The following USPL1 variants were observed in gnomAD, a reference collection of about 807,000 sequenced individuals.
The protein encoded by USPL1 is SUMO-specific isopeptidase USPL1.
A neutral mutation model predicts 51.5 loss-of-function variants in USPL1; 27 were observed. The observed-to-expected ratio is 0.52, with a 90% CI of 0.39 to 0.72. USPL1 has a LOEUF of 0.72. Ranked by LOEUF, USPL1 falls within the 30% of genes least tolerant of loss-of-function variation. USPL1 has a pLI of 0.00. For missense variants in USPL1, 1,226 were observed against 1,268.0 expected (o/e 0.97, Z 0.50); for synonymous variants, 451 against 459.6 (o/e 0.98, Z 0.24).
At chr13:30,656,949 G>T (rs749113654) in intron 8 of USPL1, among the ~76,000 whole-genome samples, 1 of 151,288 alleles carries the variant, frequency 6.6e-6, no homozygotes, top group Non-Finnish European at 1.5e-5. Context: ...GACTACATAA[G>T]GACCCCTCTC....
intron 6 of USPL1, among the ~76,000 whole-genome samples, chr13:30,644,567 A>C (rs1174517583): frequency 6.6e-6 from 1 of 152,198 alleles, no homozygotes; most frequent in African/African-American, 2.4e-5. Context: ...TATCCAAAGA[A>C]TATCGCAAGG....
Position 30,658,052 on chromosome 13 carries a change from G to A in USPL1, c.1975G>A (p.Val659Ile). 6.2e-7 allele frequency: 1 copy of A among 1,613,092 alleles called. No homozygotes were observed. The highest frequency in any genetic ancestry group is 8.5e-7 in the Non-Finnish European group (1 of 1,179,912). The change falls in exon 9 of 9, where the codon GTA (valine) becomes ATA (isoleucine). Residue 659 changes from valine (V) to isoleucine (I), a missense_variant. Coordinates refer to ENST00000255304, the MANE Select transcript of USPL1 (RefSeq NM_005800.5). ...FVDISFPSQV[V>I]NTNMQSVQLN... Reference sequence around the variant, plus strand: ...GGACATAAGTTTTCCATCCCAAGTTGTAAATACAAACATGCAGTCAGTACA... The same window carrying A: ...GGACATAAGTTTTCCATCCCAAGTTATAAATACAAACATGCAGTCAGTACA...
In USPL1 at chr13:30,657,558, T is replaced by C. The variant is rs780793750; in HGVS notation, c.1481T>C (p.Ile494Thr). 8.1e-6 allele frequency: 13 copies of C among 1,614,054 alleles called. No individual in the cohort carries two copies. The Admixed American group carries it at 1.5e-4, about 19-fold the overall frequency. ...GAAGTTCCTGCTTCAGAGATACATA[T>C]TGTTATTTGGGAAAGAAAAATATCC... ...KFEVPASEIH[I>T]VIWERKISQV... The change falls in exon 9 of 9, where the codon ATT becomes ACT. Residue 494 changes from isoleucine to threonine, a missense_variant. Transcript: ENST00000255304.
At chr13:30,655,575 T>A (rs554031781) in intron 8 of USPL1, among the ~76,000 whole-genome samples, 2 of 152,220 alleles carry the variant, frequency 1.3e-5, no homozygotes, top group Non-Finnish European at 2.9e-5. Context: ...ATGAGTTTTC[T>A]GTGTGTGCTC....
chr13:30,629,565 A>G (rs768409730), intron 3 of USPL1, among the ~76,000 whole-genome samples: 3 of 152,180 alleles, frequency 2.0e-5, no homozygotes, highest in African/African-American at 7.2e-5. Context: ...ACATCACACC[A>G]TGTCAGCTGG....
chr13:30,656,396 A>G (rs931029247), intron 8 of USPL1, among the ~76,000 whole-genome samples: 1 of 152,174 alleles, frequency 6.6e-6, no homozygotes, highest in South Asian at 2.1e-4. Flanking sequence ...GGTAACCACT[A>G]TTCTACTTTC....
At chr13:30,619,847 A>G (rs998409614) in intron 1 of USPL1, among the ~76,000 whole-genome samples, 1 of 152,172 alleles carries the variant, frequency 6.6e-6, no homozygotes, top group African/African-American at 2.4e-5. Flanking sequence ...AGTTAGCATC[A>G]GTAGTTCTCA....
In USPL1 at chr13:30,628,083, C is replaced by T. The variant is rs528601065; in HGVS notation, c.229-2752C>T. Among the ~76,000 whole-genome samples, 25 of 137,134 alleles carry T rather than the reference C, an allele frequency of 1.8e-4. 1 individual carries two copies. In the East Asian group the frequency reaches 3.4e-3, roughly 19 times the overall value. 90.0% of individuals were successfully genotyped at this position (137,134 alleles called of 152,430 possible). A position where few individuals can be genotyped will look rare whatever the true frequency, so the allele number is the denominator to read the frequency against. ...TTTTTTTTTGTATTTTTAGTAGAGA[C>T]GGGGGTTTCACCATGTTGGCCAGGC... On this transcript the variant is annotated intron_variant, in intron 3 of 8. Transcript: ENST00000255304.
intron 3 of USPL1, among the ~76,000 whole-genome samples, chr13:30,628,613 C>G (rs1376401052): frequency 6.6e-6 from 1 of 152,178 alleles, no homozygotes; most frequent in Non-Finnish European, 1.5e-5. Context: ...TGTTCAGCTC[C>G]CACTTACGAG....
At chr13:30,639,222 G>GTA (rs61182649) in intron 5 of USPL1, among the ~76,000 whole-genome samples, 8,072 of 144,196 alleles carry the variant, frequency 0.056, 237 homozygotes, top group African/African-American at 0.07. Flanking sequence ...CTCAAAAAAT[G>GTA]TATATATATA....
At chr13:30,620,867 C>G (rs915450952) in intron 1 of USPL1, among the ~76,000 whole-genome samples, 1 of 152,086 alleles carries the variant, frequency 6.6e-6, no homozygotes, top group African/African-American at 2.4e-5. Context: ...GGTCCTGTTG[C>G]CAGTCACTAC....
chr13:30,641,552 T>C lies in USPL1; in HGVS notation c.983-1076T>C, dbSNP rs549732219. ...GGCAGCATCTAAGCTCCTCTGAGAA[T>C]AGGAAGGAGAGCAACCAATTGGAAA... is the stretch of plus-strand genomic sequence containing the variant. On this transcript the variant is annotated intron_variant, in intron 5 of 8. Coordinates refer to ENST00000255304, the MANE Select transcript of USPL1 (RefSeq NM_005800.5). Among the ~76,000 whole-genome samples, 27 of 152,332 alleles carry C rather than the reference T, an allele frequency of 1.8e-4. No homozygotes were observed. The South Asian group carries it at 4.1e-3, about 23-fold the overall frequency.
In USPL1 at chr13:30,659,814, G is replaced by T; in HGVS notation, c.*458G>T. 6.3e-6 allele frequency: 1 copy of T among 158,290 alleles called. No individual in the cohort carries two copies. Among genetic ancestry groups the T allele is most frequent in the Non-Finnish European group, 1.4e-5 (1 of 72,488 alleles). The allele number at this position is 158,290 out of a possible 1,614,324, so 9.8% of individuals were successfully genotyped here. A position where few individuals can be genotyped will look rare whatever the true frequency, so the allele number is the denominator to read the frequency against. On this transcript the variant is annotated 3_prime_UTR_variant, in exon 9 of 9. Coordinates refer to ENST00000255304, the MANE Select transcript of USPL1 (RefSeq NM_005800.5). Reference sequence around the variant, plus strand: ...CAGACAAATGAAGGGTGAAGAAGAAGAAGAGGAGCTTTATTTAGTGTTAGA... The same window carrying T: ...CAGACAAATGAAGGGTGAAGAAGAATAAGAGGAGCTTTATTTAGTGTTAGA...
chr13:30,643,486 G>A lies in USPL1; in HGVS notation c.1112+729G>A, dbSNP rs1593381446. Among the ~76,000 whole-genome samples, 5 of 152,118 alleles carry A rather than the reference G, an allele frequency of 3.3e-5. No individual in the cohort carries two copies. The South Asian group carries it at 1.0e-3, about 32-fold the overall frequency. On this transcript the variant is annotated intron_variant, in intron 6 of 8. Coordinates refer to ENST00000255304, the MANE Select transcript of USPL1 (RefSeq NM_005800.5). The stretch of plus-strand genomic sequence containing the variant: ...CAGGGAGGCAAGGTATTCCCAGAGG[G>A]ATATTCTCACTTGGTCCATACCTGA...
At chr13:30,624,849 G>A (rs994951554) in intron 3 of USPL1, among the ~76,000 whole-genome samples, 3 of 152,208 alleles carry the variant, frequency 2.0e-5, no homozygotes, top group Non-Finnish European at 4.4e-5. Flanking sequence ...ATCTGTGGAC[G>A]GGTGTCATCC....
intron 5 of USPL1, among the ~76,000 whole-genome samples, chr13:30,642,040 T>A (rs1950954597): frequency 6.6e-6 from 1 of 152,122 alleles, no homozygotes; most frequent in African/African-American, 2.4e-5. Context: ...CTAAGTAGCT[T>A]GGACTACAGG....
chr13:30,628,955 G>C (rs749436575), intron 3 of USPL1, among the ~76,000 whole-genome samples: 41 of 152,084 alleles, frequency 2.7e-4, no homozygotes, highest in Non-Finnish European at 4.4e-4. Context: ...AGGATTCTCA[G>C]TTTTCTGACA....
rs909295912 is a variant in USPL1 at position 30,658,382 on chromosome 13, T to G, written c.2305T>G (p.Ser769Ala). The G allele has an allele frequency of 5.0e-6, 8 of 1,613,642 alleles. No homozygotes were observed. Among genetic ancestry groups the G allele is most frequent in the Middle Eastern group, 1.6e-4 (1 of 6,062 alleles). Reference sequence around the variant, plus strand: ...TAAAGGCTTAATAAGCAGGGGTGCTTCTTTTATGCCACTCTGTGTTTCAGC... The same window carrying G: ...TAAAGGCTTAATAAGCAGGGGTGCTGCTTTTATGCCACTCTGTGTTTCAGC... ...WVKGLISRGA[S>A]FMPLCVSAHN... Residue 769 changes from serine (S) to alanine (A), a missense_variant, in exon 9 of 9, where the codon TCT becomes GCT. Physicochemically the swap from Ser to Ala is moderately conservative, Grantham distance 99. Transcript: ENST00000255304.
At chr13:30,622,645 G>A (rs1256346543) in intron 3 of USPL1, among the ~76,000 whole-genome samples, 2 of 152,152 alleles carry the variant, frequency 1.3e-5, no homozygotes, top group Non-Finnish European at 2.9e-5. Context: ...CAAAAAATTA[G>A]CAGTTCATCA....
Sources: allele counts gnomAD v4.1 joint callset (sites outside exome capture counted in the v4.1 genomes callset), GRCh38; gene constraint gnomAD v4.1.1; transcripts MANE v1.5; gene names NCBI Gene and HGNC (gene_info 2026-07-23, HGNC 2026-07-21).